ZCCHC17: variants seen among roughly 807,000 people sequenced by gnomAD.
ZCCHC17 encodes zinc finger CCHC domain-containing protein 17.
ZCCHC17 carries 18 observed loss-of-function variants against 30.6 expected under a neutral mutation model. That is an observed-to-expected ratio of 0.59 (90% CI 0.41 to 0.87). ZCCHC17 has a LOEUF of 0.87. Ranked by LOEUF, ZCCHC17 falls within the 40% of genes least tolerant of loss-of-function variation. ZCCHC17 has a pLI of 0.00. For synonymous variants in ZCCHC17, 88 were observed against 92.4 expected (o/e 0.95, Z 0.27); for missense variants, 263 against 284.2 (o/e 0.93, Z 0.54).
chr1:31,313,022 C>T (rs1646642781), intron 2 of ZCCHC17, among the ~76,000 whole-genome samples: 1 of 151,524 alleles, frequency 6.6e-6, no homozygotes, highest in South Asian at 2.1e-4. Context: ...CTGCCTCGGC[C>T]TCCCAAAGTG....
chr1:31,346,727 G>T lies in ZCCHC17; in HGVS notation c.405G>T (p.Lys135Asn). 1.2e-6 allele frequency: 2 copies of T among 1,614,184 alleles called. No homozygotes were observed. Among genetic ancestry groups the T allele is most frequent in the Non-Finnish European group, 1.7e-6 (2 of 1,180,032 alleles). Residue 135 changes from lysine to asparagine, a missense_variant, in exon 6 of 8, where the codon AAG becomes AAT. Physicochemically the swap from Lys to Asn is moderately conservative, Grantham distance 94 (BLOSUM62 0). Transcript: ENST00000344147. The part of the protein sequence containing the change: ...LEAVLNTTCK[K>N]CGCKGHFAKD... ...CTGTCTTGAACACTACCTGCAAGAA[G>T]TGTGGCTGTAAAGGTAGGGTGAAGC... is the stretch of plus-strand genomic sequence containing the variant.
At chr1:31,324,400 G>T (rs1638255351) in intron 3 of ZCCHC17, among the ~76,000 whole-genome samples, 1 of 152,220 alleles carries the variant, frequency 6.6e-6, no homozygotes. Context: ...GGAGCTGGCA[G>T]GAGCCCTGCC....
At chr1:31,305,928 A>G (rs1471682942) in intron 1 of ZCCHC17, among the ~76,000 whole-genome samples, 1 of 152,156 alleles carries the variant, frequency 6.6e-6, no homozygotes, top group Non-Finnish European at 1.5e-5. Flanking sequence ...TGGGGGATAC[A>G]TTCCAAGACC....
chr1:31,297,653 G>T (rs1026070022), intron 1 of ZCCHC17, among the ~76,000 whole-genome samples: 2 of 152,160 alleles, frequency 1.3e-5, no homozygotes, highest in Non-Finnish European at 2.9e-5. Flanking sequence ...TGGGGAAAAC[G>T]TTAAACAATG....
In ZCCHC17 at chr1:31,364,090, C is replaced by A. The variant is rs755914102; in HGVS notation, c.623C>A (p.Ser208Tyr). The A allele has an allele frequency of 1.2e-6, 2 of 1,613,746 alleles. No homozygotes were observed. Among genetic ancestry groups the A allele is most frequent in the Non-Finnish European group, 1.7e-6 (2 of 1,179,844 alleles). Residue 208 changes from serine (S) to tyrosine (Y), a missense_variant, in exon 8 of 8, where the codon TCT becomes TAT. Ser to Tyr is a moderately radical substitution (Grantham distance 144). Coordinates refer to ENST00000344147, the MANE Select transcript of ZCCHC17 (RefSeq NM_016505.4). ...RKSSDSDSSD[S>Y]ESDTGKRARH... ...TCATCTGACTCTGACAGCTCAGACT[C>A]TGAGAGTGATACAGGCAAGAGGGCA... is the stretch of plus-strand genomic sequence containing the variant.
intron 7 of ZCCHC17, among the ~76,000 whole-genome samples, chr1:31,358,378 C>T (rs997781634): frequency 1.3e-5 from 2 of 152,130 alleles, no homozygotes; most frequent in African/African-American, 4.8e-5. Flanking sequence ...GATCTGACTT[C>T]CTTTTAAGAG....
At chr1:31,334,652 C>CA (rs1638743832) in intron 3 of ZCCHC17, among the ~76,000 whole-genome samples, 1 of 152,020 alleles carries the variant, frequency 6.6e-6, no homozygotes, top group Non-Finnish European at 1.5e-5. Context: ...CATTTGTAAT[C>CA]ATACTGTATA....
At chr1:31,339,326 C>T (rs112009512) in intron 5 of ZCCHC17, among the ~76,000 whole-genome samples, 3,445 of 152,218 alleles carry the variant, frequency 0.023, 122 homozygotes, top group African/African-American at 0.078. Context: ...GGCGAAACCC[C>T]GTCTCTACTA....
intron 1 of ZCCHC17, 140 bp from the exon 2 acceptor site, chr1:31,309,904 T>C (rs1646557276): frequency 2.3e-6 from 1 of 444,116 alleles, no homozygotes; most frequent in Non-Finnish European, 3.9e-6. Flanking sequence ...ACAATTAGAA[T>C]AAACAAAAGA....
chr1:31,330,942 C>G (rs1462073510), intron 3 of ZCCHC17, among the ~76,000 whole-genome samples: 1 of 152,170 alleles, frequency 6.6e-6, no homozygotes, highest in Non-Finnish European at 1.5e-5. Context: ...GAGAATGAAT[C>G]TAGTCATGAA....
intron 7 of ZCCHC17, among the ~76,000 whole-genome samples, chr1:31,363,044 T>C (rs1409130488): frequency 6.6e-6 from 1 of 152,192 alleles, no homozygotes; most frequent in Non-Finnish European, 1.5e-5. Flanking sequence ...TGCATATATA[T>C]ATAAATACAC....
intron 3 of ZCCHC17, among the ~76,000 whole-genome samples, chr1:31,319,948 A>C (rs1288027378): frequency 1.3e-5 from 2 of 152,228 alleles, no homozygotes; most frequent in East Asian, 3.8e-4. Context: ...TAAAAACTTC[A>C]CTGCAAAAAT....
chr1:31,355,042 G>A (rs191718133), intron 7 of ZCCHC17, among the ~76,000 whole-genome samples: 65 of 152,078 alleles, frequency 4.3e-4, no homozygotes, highest in African/African-American at 1.5e-3. Context: ...AGGCGTGGTG[G>A]CGAGGGCCTG....
chr1:31,332,562 A>C lies in ZCCHC17; in HGVS notation c.125-4613A>C, dbSNP rs189822619. Among the ~76,000 whole-genome samples the C allele has an allele frequency of 1.4e-3, 213 of 152,232 alleles. 1 individual carries two copies. The highest frequency in any genetic ancestry group is 4.1e-3 in the African/African-American group (169 of 41,554). The stretch of plus-strand genomic sequence containing the variant: ...TGGAAATAATGCATGCTCATCATAG[A>C]AAAATAGAGGGAAAAACACACAATG... On this transcript the variant is annotated intron_variant, in intron 3 of 7. Transcript: ENST00000344147.
chr1:31,363,707 A>G (rs1640018563), intron 7 of ZCCHC17, among the ~76,000 whole-genome samples: 1 of 152,144 alleles, frequency 6.6e-6, no homozygotes, highest in African/African-American at 2.4e-5. Context: ...GCTTGAGCCC[A>G]AGAGGTTGAG....
chr1:31,348,103 T>G (rs745612396), intron 6 of ZCCHC17, among the ~76,000 whole-genome samples: 1 of 152,002 alleles, frequency 6.6e-6, no homozygotes, highest in Non-Finnish European at 1.5e-5. Flanking sequence ...AAGAGAAGAA[T>G]AATGAGAGGT....
At chr1:31,343,935 A>G (rs1414630543) in intron 5 of ZCCHC17, among the ~76,000 whole-genome samples, 14 of 146,196 alleles carry the variant, frequency 9.6e-5, no homozygotes, top group Admixed American at 8.3e-4. Flanking sequence ...GCTCACTGCA[A>G]CCTCCACCTC....
chr1:31,337,729 C>G (rs1638876924), intron 4 of ZCCHC17, among the ~76,000 whole-genome samples: 1 of 152,124 alleles, frequency 6.6e-6, no homozygotes, highest in African/African-American at 2.4e-5. Flanking sequence ...TGAAAAAAAT[C>G]TGAAGGACCC....
chr1:31,297,577 T>C (rs551690686), intron 1 of ZCCHC17, among the ~76,000 whole-genome samples: 2 of 152,348 alleles, frequency 1.3e-5, no homozygotes, highest in Admixed American at 6.5e-5. Flanking sequence ...GATATTCATT[T>C]AGCAGCGCGT....
Sources: gnomAD v4.1 joint callset for allele counts (sites outside exome capture counted in the v4.1 genomes callset) on GRCh38, gnomAD v4.1.1 for gene constraint, MANE v1.5 for transcripts, NCBI Gene and HGNC (gene_info 2026-07-23, HGNC 2026-07-21) for gene names.